Variants in TSHZ3 observed in about 807,000 individuals in gnomAD.
TSHZ3 encodes the protein teashirt zinc finger homeobox 3.
In TSHZ3, 10 loss-of-function variants were observed where a neutral mutation model predicts 64.5. The ratio of observed to expected loss-of-function variants is 0.16; its 90% CI spans 0.10 to 0.26. The LOEUF (loss-of-function observed/expected upper bound fraction) is 0.26. Ranked by LOEUF, TSHZ3 falls within the 10% of genes least tolerant of loss-of-function variation. TSHZ3 has a pLI of 1.00. For synonymous variants in TSHZ3, 608 were observed against 593.1 expected (o/e 1.03, Z -0.36); for missense variants, 1,242 against 1,421.7 (o/e 0.87, Z 2.03).
chr19:31,181,102 C>G (rs2145126568), intron 5 of TSHZ3, among the ~76,000 whole-genome samples: 1 of 152,130 alleles, frequency 6.6e-6, no homozygotes, highest in Non-Finnish European at 1.5e-5. Flanking sequence ...AGTTTGACAC[C>G]AAGGTTTTTA....
At chr19:31,206,029 A>C (rs1287674786) in intron 4 of TSHZ3, among the ~76,000 whole-genome samples, 3 of 151,990 alleles carry the variant, frequency 2.0e-5, no homozygotes, top group African/African-American at 7.3e-5. Context: ...GAATGGATGG[A>C]TGAATTGATG....
chr19:31,171,452 A>C (rs958367622), intron 5 of TSHZ3, among the ~76,000 whole-genome samples: 1 of 152,082 alleles, frequency 6.6e-6, no homozygotes, highest in African/African-American at 2.4e-5. Flanking sequence ...TGTGTGGGAA[A>C]ACTGAAATTA....
chr19:31,231,802 T>C (rs1462168430), intron 3 of TSHZ3, among the ~76,000 whole-genome samples: 1 of 152,180 alleles, frequency 6.6e-6, no homozygotes, highest in East Asian at 1.9e-4. Context: ...TAGGAATTCC[T>C]AAGGAAAATG....
At chr19:31,186,531 G>A (rs372490359) in intron 5 of TSHZ3, among the ~76,000 whole-genome samples, 1 of 152,202 alleles carries the variant, frequency 6.6e-6, no homozygotes. Flanking sequence ...GGCCTCCCAA[G>A]CCATGCTGAA....
At chr19:31,176,668 T>C (rs1180732391) in intron 5 of TSHZ3, among the ~76,000 whole-genome samples, 3 of 152,162 alleles carry the variant, frequency 2.0e-5, no homozygotes, top group African/African-American at 4.8e-5. Flanking sequence ...CACACACCTA[T>C]AGTCCCAGCT....
chr19:31,265,637 C>T (rs937704388), intron 1 of TSHZ3, among the ~76,000 whole-genome samples: 1 of 152,060 alleles, frequency 6.6e-6, no homozygotes, highest in Non-Finnish European at 1.5e-5. Context: ...CAGCCCTTTG[C>T]ATCCCGGACT....
At chr19:31,325,402 A>G (rs1192324543) in intron 1 of TSHZ3, among the ~76,000 whole-genome samples, 1 of 152,220 alleles carries the variant, frequency 6.6e-6, no homozygotes, top group Admixed American at 6.5e-5. Flanking sequence ...AAAAAGGCAA[A>G]GATGTCTGAG....
In TSHZ3 at chr19:31,342,372, G is replaced by A. The variant is rs180807103; in HGVS notation, c.40+6808C>T. Among the ~76,000 whole-genome samples the A allele has an allele frequency of 1.7e-4, 26 of 152,280 alleles. No individual in the cohort carries two copies. In the East Asian group the frequency reaches 3.3e-3, roughly 19 times the overall value. On this transcript the variant is annotated intron_variant, in intron 1 of 1. Transcript: ENST00000240587. ...ACTCATGCTTTTTGCTTAATAGTACGTTGGTGATAGTGGACATATAAAATC... is the reference window on the plus strand; with the variant it reads ...ACTCATGCTTTTTGCTTAATAGTACATTGGTGATAGTGGACATATAAAATC...
chr19:31,262,777 C>A (rs143216977), intron 1 of TSHZ3, among the ~76,000 whole-genome samples: 2 of 152,104 alleles, frequency 1.3e-5, no homozygotes, highest in African/African-American at 2.4e-5. Context: ...CTCCTTCTGA[C>A]GAAATTCGAG....
intron 4 of TSHZ3, among the ~76,000 whole-genome samples, chr19:31,222,727 T>G (rs1795396212): frequency 6.6e-6 from 1 of 152,158 alleles, no homozygotes; most frequent in Non-Finnish European, 1.5e-5. Context: ...GGAGTTAATT[T>G]GAATTATTGA....
chr19:31,257,382 C>G (rs779217042), intron 1 of TSHZ3, among the ~76,000 whole-genome samples: 2 of 152,160 alleles, frequency 1.3e-5, no homozygotes, highest in Non-Finnish European at 2.9e-5. Context: ...AGAGCTGAGG[C>G]AAAACAGTAT....
At chr19:31,319,803 G>GA (rs199726156) in intron 1 of TSHZ3, among the ~76,000 whole-genome samples, 235 of 150,396 alleles carry the variant, frequency 1.6e-3, no homozygotes, top group African/African-American at 3.5e-3. Flanking sequence ...AAGCTGCTTT[G>GA]AAAAAAAAAG....
intron 1 of TSHZ3, among the ~76,000 whole-genome samples, chr19:31,291,869 C>T (rs573854754): frequency 6.6e-6 from 1 of 152,180 alleles, no homozygotes; most frequent in African/African-American, 2.4e-5. Context: ...TCAGCCAGCC[C>T]GGTGCTGGGC....
Position 31,279,275 on chromosome 19 carries a change from G to T in TSHZ3, c.518C>A (p.Ala173Asp). 1.2e-6 allele frequency: 2 copies of T among 1,614,064 alleles called. No homozygotes were observed. The highest frequency in any genetic ancestry group is 1.7e-6 in the Non-Finnish European group (2 of 1,179,972). ...CTGTGACACCTGCTGCAGCGTCTTA[G>T]CCATGGCGCTCTGGTGCCAGTCGAA... ...GSFDWHQSAMAKTLQQVSQSR... is the reference protein window; with the variant it reads ...GSFDWHQSAMDKTLQQVSQSR... Residue 173 changes from alanine (A) to aspartate (D), a missense_variant, in exon 2 of 2, where the codon GCT becomes GAT. This residue lies in a region of TSHZ3 where 555 missense variants were observed against 704.0 expected (regional missense o/e 0.79). Coordinates refer to ENST00000240587, the MANE Select transcript of TSHZ3 (RefSeq NM_020856.4). This position sits in a 1 kb window ranked among gnomAD's most constrained non-coding sequence, Gnocchi z 6.4.
downstream of TSHZ3, among the ~76,000 whole-genome samples, chr19:31,272,024 A>G (rs1976148011): frequency 6.6e-6 from 1 of 152,210 alleles, no homozygotes; most frequent in Admixed American, 6.5e-5. Context: ...CAATCTCAAA[A>G]GGACTGTGGC....
At chr19:31,272,209 TC>T (rs761838682), downstream of TSHZ3, among the ~76,000 whole-genome samples, 27 of 152,136 alleles carry the variant, frequency 1.8e-4, no homozygotes, top group Non-Finnish European at 3.1e-4. Flanking sequence ...GAATTCTGCT[TC>T]CCCAAGATGG....
intron 5 of TSHZ3, among the ~76,000 whole-genome samples, chr19:31,174,989 C>T (rs1974587572): frequency 1.3e-5 from 2 of 152,196 alleles, no homozygotes; most frequent in Non-Finnish European, 2.9e-5. Flanking sequence ...TGACTTGGGT[C>T]CCACACAGCA....
chr19:31,155,592 A>C (rs1026615234), intron 6 of TSHZ3, among the ~76,000 whole-genome samples: 2 of 152,222 alleles, frequency 1.3e-5, no homozygotes, highest in Non-Finnish European at 2.9e-5. Flanking sequence ...CGGGGCCCAG[A>C]TCATTCTCTT....
chr19:31,190,658 A>C (rs959713251), intron 5 of TSHZ3, among the ~76,000 whole-genome samples: 1 of 152,130 alleles, frequency 6.6e-6, no homozygotes, highest in African/African-American at 2.4e-5. Context: ...AAATCACTAG[A>C]TATGCAAAGA....
Sources: gnomAD v4.1 joint callset for allele counts (sites outside exome capture counted in the v4.1 genomes callset) on GRCh38, gnomAD v4.1.1 for gene constraint, gnomAD v4.1.1 regional missense constraint, Gnocchi (gnomAD v3.1) non-coding constraint, MANE v1.5 for transcripts, NCBI Gene and HGNC (gene_info 2026-07-23, HGNC 2026-07-21) for gene names.